PRKN: variants seen among roughly 807,000 people sequenced by gnomAD.
PRKN encodes the protein parkin RBR E3 ubiquitin protein ligase.
Under a neutral mutation model 59.5 loss-of-function variants are expected in PRKN, and 56 were observed. That is an observed-to-expected ratio of 0.94 (90% confidence interval 0.76 to 1.18). PRKN has a LOEUF of 1.18. PRKN is among the 50% of genes most tolerant of loss of function. PRKN has a pLI of 0.00. For synonymous variants in PRKN, 250 were observed against 222.1 expected (o/e 1.13, Z -1.12); for missense variants, 657 against 596.4 (o/e 1.10, Z -1.06).
chr6:161,551,480 C>T lies in PRKN; in HGVS notation c.934-2477G>A, dbSNP rs1023776853. ...GCAAAGGAGACTAAGGAGCAGCAGC[C>T]TATGAGGCAGGTGAAAACTGAGGAG... On this transcript the variant is annotated intron_variant, in intron 8 of 11. Coordinates refer to ENST00000366898, the MANE Select transcript of PRKN (RefSeq NM_004562.3). The surrounding 1 kb of genome is among the most constrained non-coding windows in gnomAD (Gnocchi z 5.2). Among the ~76,000 whole-genome samples, 13 of 152,130 alleles carry T rather than the reference C, an allele frequency of 8.5e-5. No homozygotes were observed. Among genetic ancestry groups the T allele is most frequent in the Admixed American group, 6.5e-4 (10 of 15,280 alleles).
At chr6:162,385,158 A>C (rs1786734903) in intron 2 of PRKN, among the ~76,000 whole-genome samples, 1 of 152,214 alleles carries the variant, frequency 6.6e-6, no homozygotes, top group Non-Finnish European at 1.5e-5. Context: ...CTCACATGAA[A>C]GTGAAATAGG....
intron 1 of PRKN, among the ~76,000 whole-genome samples, chr6:162,601,350 G>A (rs1352241454): frequency 6.6e-6 from 1 of 152,132 alleles, no homozygotes; most frequent in Non-Finnish European, 1.5e-5. Flanking sequence ...CACGGTAAAT[G>A]GGTTTTGTTT....
rs184490026 is a variant in PRKN at position 161,573,502 on chromosome 6, C to T, written c.872-4086G>A. Among the ~76,000 whole-genome samples, 523 of 151,226 alleles carry T rather than the reference C, an allele frequency of 3.5e-3. 3 individuals are homozygous for T. Among genetic ancestry groups the T allele is most frequent in the African/African-American group, 0.012 (501 of 41,292 alleles). On this transcript the variant is annotated intron_variant, in intron 7 of 11. Transcript: ENST00000366898. Reference sequence around the variant, plus strand: ...TTGGGAGGCAGAGGCAGGCAGATCACGAGGTCAGGAGATTGAGACCATCGT... The same window carrying T: ...TTGGGAGGCAGAGGCAGGCAGATCATGAGGTCAGGAGATTGAGACCATCGT...
In PRKN at chr6:161,386,192, C is replaced by T. The variant is rs887062994; in HGVS notation, c.1167+602G>A. Among the ~76,000 whole-genome samples the T allele has an allele frequency of 6.6e-6, 1 of 152,116 alleles. No homozygotes were observed. The highest frequency in any genetic ancestry group is 1.5e-5 in the Non-Finnish European group (1 of 68,028). ...CATCTACTGTGATGACGTTTTTACTCTTTTTCCCTGAAGGTTTGGTTGATC... is the reference window on the plus strand; with the variant it reads ...CATCTACTGTGATGACGTTTTTACTTTTTTTCCCTGAAGGTTTGGTTGATC... On this transcript the variant is annotated intron_variant, in intron 10 of 11. Coordinates refer to ENST00000366898, the MANE Select transcript of PRKN (RefSeq NM_004562.3). This position sits in a 1 kb window ranked among gnomAD's most constrained non-coding sequence, Gnocchi z 4.3.
In PRKN at chr6:161,556,072, G is replaced by A. The variant is rs539171406; in HGVS notation, c.934-7069C>T. On this transcript the variant is annotated intron_variant, in intron 8 of 11. Coordinates refer to ENST00000366898, the MANE Select transcript of PRKN (RefSeq NM_004562.3). Reference sequence around the variant, plus strand: ...CGGAAGAAGTTAATGTATGGACAACGTCCAATAACAATTTAGAAATTCTTG... The same window carrying A: ...CGGAAGAAGTTAATGTATGGACAACATCCAATAACAATTTAGAAATTCTTG... 5.9e-5 allele frequency among the ~76,000 whole-genome samples: 9 copies of A among 152,244 alleles called. No individual in the cohort carries two copies. The East Asian group carries it at 9.6e-4, about 16-fold the overall frequency.
chr6:162,133,413 G>A (rs1781450369), intron 4 of PRKN, among the ~76,000 whole-genome samples: 1 of 152,158 alleles, frequency 6.6e-6, no homozygotes, highest in Non-Finnish European at 1.5e-5. Flanking sequence ...CAGTGGTGCT[G>A]TGCTCTGGGG....
At chr6:162,630,462 T>G (rs1021183524) in intron 1 of PRKN, among the ~76,000 whole-genome samples, 23 of 152,122 alleles carry the variant, frequency 1.5e-4, no homozygotes, top group Non-Finnish European at 1.0e-4. Flanking sequence ...GACATTAACA[T>G]CAATCGTTGA....
chr6:162,284,001 C>T (rs1052216877), intron 2 of PRKN, among the ~76,000 whole-genome samples: 1 of 151,992 alleles, frequency 6.6e-6, no homozygotes, highest in African/African-American at 2.4e-5. Flanking sequence ...AAATTAAAAA[C>T]ATATATTTAG....
intron 2 of PRKN, among the ~76,000 whole-genome samples, chr6:162,383,249 T>C (rs1786594305): frequency 6.6e-6 from 1 of 152,238 alleles, no homozygotes; most frequent in Admixed American, 6.5e-5. Context: ...TCCCTACCTA[T>C]GGCAGTTATA....
intron 1 of PRKN, among the ~76,000 whole-genome samples, chr6:162,595,236 G>A (rs1386908344): frequency 6.6e-6 from 1 of 152,044 alleles, no homozygotes; most frequent in Non-Finnish European, 1.5e-5. Flanking sequence ...AATTGTTCCT[G>A]AGTTTTCTTT....
At chr6:162,427,850 T>C (rs1789316186) in intron 2 of PRKN, among the ~76,000 whole-genome samples, 2 of 152,042 alleles carry the variant, frequency 1.3e-5, no homozygotes, top group South Asian at 4.1e-4. Context: ...GGGTAATAAA[T>C]GTATTTTTTA....
intron 4 of PRKN, among the ~76,000 whole-genome samples, chr6:162,158,562 G>A (rs963261690): frequency 3.9e-5 from 6 of 152,024 alleles, no homozygotes; most frequent in Non-Finnish European, 7.4e-5. Flanking sequence ...CTCCAGAGTA[G>A]CTGGGACTAC....
intron 10 of PRKN, among the ~76,000 whole-genome samples, chr6:161,382,381 G>A (rs1316924755): frequency 6.6e-6 from 1 of 152,106 alleles, no homozygotes; most frequent in Non-Finnish European, 1.5e-5. Flanking sequence ...AGATCTATTA[G>A]AGAGAGCAGT....
intron 6 of PRKN, among the ~76,000 whole-genome samples, chr6:161,891,290 A>C (rs1169976951): frequency 6.6e-6 from 1 of 152,174 alleles, no homozygotes; most frequent in African/African-American, 2.4e-5. Context: ...CCCCGAGGAA[A>C]CACTAGGCAC....
intron 2 of PRKN, among the ~76,000 whole-genome samples, chr6:162,354,332 TAAG>T (rs140639363): frequency 0.019 from 2,959 of 152,244 alleles, 63 homozygotes; most frequent in East Asian, 0.065. Flanking sequence ...TGGCAACTTT[TAAG>T]AAGACAAGAT....
rs1471536984 is a variant in PRKN, at chr6:161,502,848, A to G, written c.1083+46006T>C. The stretch of plus-strand genomic sequence containing the variant: ...CATGCTCTGGAGTAGAAGGCTCTGG[A>G]TTAAAAACCTGACTCCACAGCTTAG... On this transcript the variant is annotated intron_variant, in intron 9 of 11. Transcript: ENST00000366898. The surrounding 1 kb of genome is among the most constrained non-coding windows in gnomAD (Gnocchi z 4.0). Among the ~76,000 whole-genome samples the G allele has an allele frequency of 6.6e-6, 1 of 152,158 alleles. No homozygotes were observed. The highest frequency in any genetic ancestry group is 2.4e-5 in the African/African-American group (1 of 41,438).
chr6:161,743,682 C>T lies in PRKN; in HGVS notation c.871+42090G>A, dbSNP rs1034260166. ...GAGTGAGCTCTCCCTAGAACACTGC[C>T]GGGCACACCGTGAGCCCCGAGGAAG... On this transcript the variant is annotated intron_variant, in intron 7 of 11. Coordinates refer to ENST00000366898, the MANE Select transcript of PRKN (RefSeq NM_004562.3). 7.2e-5 allele frequency among the ~76,000 whole-genome samples: 11 copies of T among 152,144 alleles called. No individual in the cohort carries two copies. In the South Asian group the frequency reaches 8.3e-4, roughly 11 times the overall value.
intron 7 of PRKN, among the ~76,000 whole-genome samples, chr6:161,739,744 T>G (rs1050171451): frequency 6.6e-6 from 1 of 152,026 alleles, no homozygotes; most frequent in Non-Finnish European, 1.5e-5. Flanking sequence ...CATGTAACAA[T>G]TTTTTTTCTT....
intron 2 of PRKN, among the ~76,000 whole-genome samples, chr6:162,347,220 G>T: frequency 6.7e-6 from 1 of 148,386 alleles, no homozygotes; most frequent in African/African-American, 2.5e-5. Context: ...TGGATGCTTA[G>T]TTCACTAATT....
Sources: gnomAD v4.1 joint callset for allele counts (sites outside exome capture counted in the v4.1 genomes callset) on GRCh38, gnomAD v4.1.1 for gene constraint, Gnocchi (gnomAD v3.1) non-coding constraint, MANE v1.5 for transcripts, NCBI Gene and HGNC (gene_info 2026-07-23, HGNC 2026-07-21) for gene names.